KHDRBS2: variants seen among roughly 807,000 people sequenced by gnomAD.
KHDRBS2 encodes the protein KH domain-containing, RNA-binding, signal transduction-associated protein 2.
Under a neutral mutation model 44.3 loss-of-function variants are expected in KHDRBS2, and 26 were observed. That is an observed-to-expected ratio of 0.59 (90% CI 0.43 to 0.81). KHDRBS2 has a LOEUF of 0.81. KHDRBS2 is among the 40% of genes least tolerant of loss of function. KHDRBS2 has a pLI of 0.00. For synonymous variants in KHDRBS2, 194 were observed against 151.1 expected, an observed-to-expected ratio of 1.28 and a Z score of -2.08; for missense variants, 476 against 433.1, an observed-to-expected ratio of 1.10 and a Z score of -0.88.
At chr6:61,983,926 C>T (rs777583198) in intron 3 of KHDRBS2, among the ~76,000 whole-genome samples, 2 of 152,088 alleles carry the variant, frequency 1.3e-5, no homozygotes, top group African/African-American at 4.8e-5. Context: ...CTGGGTCCTA[C>T]CATCTTCTTA....
At chr6:62,041,993 C>T (rs553847520) in intron 3 of KHDRBS2, among the ~76,000 whole-genome samples, 1 of 151,856 alleles carries the variant, frequency 6.6e-6, no homozygotes, top group East Asian at 2.0e-4. Context: ...TGATGATATA[C>T]TTCACTCCTC....
At chr6:62,196,536 TG>T (rs1194952966) in intron 1 of KHDRBS2, among the ~76,000 whole-genome samples, 2 of 152,130 alleles carry the variant, frequency 1.3e-5, no homozygotes, top group African/African-American at 4.8e-5. Flanking sequence ...ACTCATGTCT[TG>T]GGATTCTTTA....
chr6:62,108,714 T>C (rs1170371082), intron 2 of KHDRBS2, among the ~76,000 whole-genome samples: 1 of 152,154 alleles, frequency 6.6e-6, no homozygotes, highest in Non-Finnish European at 1.5e-5. Flanking sequence ...CCAACAATGA[T>C]AGACTGGATT....
At chr6:62,139,396 C>CA (rs906823010) in intron 2 of KHDRBS2, among the ~76,000 whole-genome samples, 10 of 151,550 alleles carry the variant, frequency 6.6e-5, no homozygotes, top group African/African-American at 1.9e-4. Flanking sequence ...ACTAAAAATA[C>CA]AAAAAAATTA....
At chr6:61,641,118 C>T in the KHDRBS2 span, among the ~76,000 whole-genome samples, 1 of 152,122 alleles carries the variant, frequency 6.6e-6, no homozygotes, top group South Asian at 2.1e-4. Flanking sequence ...TTAAGCTCTT[C>T]CCTCCATTGT....
intron 6 of KHDRBS2, among the ~76,000 whole-genome samples, chr6:61,860,619 T>C (rs1318550375): frequency 2.0e-5 from 3 of 152,110 alleles, no homozygotes; most frequent in East Asian, 1.9e-4. Context: ...CACTCTATCA[T>C]TGATGGGTAT....
chr6:62,216,681 A>G (rs1245198318), intron 1 of KHDRBS2, among the ~76,000 whole-genome samples: 2 of 137,638 alleles, frequency 1.5e-5, no homozygotes, highest in African/African-American at 2.8e-5. Flanking sequence ...TAATCTAAAC[A>G]TATTTCTTTC....
chr6:62,187,755 A>T (rs1454881669), intron 1 of KHDRBS2, among the ~76,000 whole-genome samples: 1 of 152,006 alleles, frequency 6.6e-6, no homozygotes, highest in Admixed American at 6.6e-5. Context: ...CTCAAGGTGA[A>T]ATCTATCCTC....
At chr6:61,913,200 C>G (rs893978829) in intron 4 of KHDRBS2, among the ~76,000 whole-genome samples, 1 of 152,046 alleles carries the variant, frequency 6.6e-6, no homozygotes, top group Non-Finnish European at 1.5e-5. Flanking sequence ...CACTTTGATT[C>G]TTTTTCATCC....
chr6:61,588,986 G>T, the KHDRBS2 span, among the ~76,000 whole-genome samples: 4 of 152,002 alleles, frequency 2.6e-5, no homozygotes, highest in Non-Finnish European at 5.9e-5. Flanking sequence ...AATGCTGCAT[G>T]TTCTCACTCA....
At chr6:61,543,360 G>C in the KHDRBS2 span, among the ~76,000 whole-genome samples, 1 of 151,838 alleles carries the variant, frequency 6.6e-6, no homozygotes, top group Non-Finnish European at 1.5e-5. Context: ...ATATGTAGAG[G>C]TGCTCATCAA....
chr6:61,930,284 G>T (rs1809762649), intron 4 of KHDRBS2, among the ~76,000 whole-genome samples: 2 of 151,900 alleles, frequency 1.3e-5, no homozygotes, highest in Admixed American at 1.3e-4. Flanking sequence ...TGAGTCTGTG[G>T]TATTTTGTTA....
intron 1 of KHDRBS2, among the ~76,000 whole-genome samples, chr6:62,198,348 T>C (rs1431599278): frequency 4.6e-5 from 7 of 151,290 alleles, no homozygotes; most frequent in Non-Finnish European, 7.4e-5. Flanking sequence ...GCAAGACTAA[T>C]AAAGAAGAAA....
intron 6 of KHDRBS2, among the ~76,000 whole-genome samples, chr6:61,764,931 A>G (rs1468650531): frequency 6.7e-6 from 1 of 148,864 alleles, no homozygotes; most frequent in Non-Finnish European, 1.5e-5. Context: ...GCATTGTTGT[A>G]CTTTTTAAAA....
At chr6:61,800,539 T>A (rs2025140) in intron 6 of KHDRBS2, among the ~76,000 whole-genome samples, 24,302 of 152,080 alleles carry the variant, frequency 0.16, 2,438 homozygotes, top group East Asian at 0.29. Flanking sequence ...TCATTTACTT[T>A]CTTTTATATA....
At chr6:61,806,413 C>T (rs1265222554) in intron 6 of KHDRBS2, among the ~76,000 whole-genome samples, 1 of 152,126 alleles carries the variant, frequency 6.6e-6, no homozygotes, top group African/African-American at 2.4e-5. Flanking sequence ...AGGAAGCTAC[C>T]AGTTGCTACA....
At chr6:61,866,227 C>T (rs1358715587) in intron 6 of KHDRBS2, among the ~76,000 whole-genome samples, 1 of 152,228 alleles carries the variant, frequency 6.6e-6, no homozygotes, top group Non-Finnish European at 1.5e-5. Context: ...AAACTTCTAC[C>T]TGGACATTCA....
At chr6:61,573,512 G>A in the KHDRBS2 span, among the ~76,000 whole-genome samples, 2 of 152,196 alleles carry the variant, frequency 1.3e-5, no homozygotes, top group South Asian at 2.1e-4. Context: ...GAGCCAAGCT[G>A]GGCATGGTGG....
chr6:62,174,960 A>G (rs1820787566), intron 2 of KHDRBS2, among the ~76,000 whole-genome samples: 1 of 151,754 alleles, frequency 6.6e-6, no homozygotes, highest in South Asian at 2.1e-4. Flanking sequence ...AGTGATCATA[A>G]TCTTAACTAT....
Sources: gnomAD v4.1 joint callset for allele counts (sites outside exome capture counted in the v4.1 genomes callset) on GRCh38, gnomAD v4.1.1 for gene constraint, MANE v1.5 for transcripts, NCBI Gene and HGNC (gene_info 2026-07-23, HGNC 2026-07-21) for gene names.